SESN1: variants seen among roughly 807,000 people sequenced by gnomAD.
The protein encoded by SESN1 is sestrin-1.
SESN1 carries 30 observed loss-of-function variants against 59.3 expected under a neutral mutation model. The ratio of observed to expected loss-of-function variants is 0.51; its 90% CI spans 0.38 to 0.69. SESN1 has a LOEUF of 0.69. SESN1 is among the 30% of genes least tolerant of loss of function. The pLI is 0.00. For missense variants in SESN1, 566 were observed against 673.0 expected, an observed-to-expected ratio of 0.84 and a Z score of 1.76; for synonymous variants, 197 against 219.9, an observed-to-expected ratio of 0.90 and a Z score of 0.92.
intron 1 of SESN1, among the ~76,000 whole-genome samples, chr6:109,047,006 C>T (rs561318889): frequency 0.016 from 932 of 59,522 alleles, 28 homozygotes; most frequent in Non-Finnish European, 0.025. Flanking sequence ...GGGGTCAGCC[C>T]CCTGCCCGGC....
chr6:109,044,841 T>C (rs1780398804), intron 1 of SESN1, among the ~76,000 whole-genome samples: 1 of 152,048 alleles, frequency 6.6e-6, no homozygotes. Flanking sequence ...CTGACCAACA[T>C]GAAGAAACCC....
intron 1 of SESN1, among the ~76,000 whole-genome samples, chr6:109,026,794 C>A (rs1037572523): frequency 2.0e-5 from 3 of 152,178 alleles, no homozygotes; most frequent in South Asian, 4.1e-4. Flanking sequence ...TGAGCCACTG[C>A]GCCCGGCCAG....
At chr6:109,090,043 C>G (rs1781285900) in intron 1 of SESN1, among the ~76,000 whole-genome samples, 1 of 152,278 alleles carries the variant, frequency 6.6e-6, no homozygotes, top group East Asian at 1.9e-4. Context: ...CTATAAGCCC[C>G]TCTGGGATCT....
chr6:109,005,281 C>G (rs1779709901), intron 1 of SESN1, among the ~76,000 whole-genome samples: 1 of 152,078 alleles, frequency 6.6e-6, no homozygotes, highest in Non-Finnish European at 1.5e-5. Flanking sequence ...TTTAAAAGCT[C>G]TTCAAGTTAT....
intron 1 of SESN1, among the ~76,000 whole-genome samples, chr6:109,063,110 T>G (rs1338041077): frequency 6.6e-6 from 1 of 152,166 alleles, no homozygotes; most frequent in Non-Finnish European, 1.5e-5. Flanking sequence ...CCTTGGTCAC[T>G]GCCCTGTCTG....
At chr6:109,070,486 A>G (rs1780913840) in intron 1 of SESN1, among the ~76,000 whole-genome samples, 1 of 134,460 alleles carries the variant, frequency 7.4e-6, no homozygotes, top group African/African-American at 2.7e-5. Flanking sequence ...TCTATCCTTC[A>G]TAGTGTAGGG....
intron 1 of SESN1, among the ~76,000 whole-genome samples, chr6:109,077,403 C>T (rs919186862): frequency 1.3e-5 from 2 of 152,130 alleles, no homozygotes; most frequent in African/African-American, 2.4e-5. Flanking sequence ...GGTCTGTTTC[C>T]TCATCTATAA....
chr6:109,006,951 G>C (rs556908334), intron 1 of SESN1, among the ~76,000 whole-genome samples: 1 of 152,112 alleles, frequency 6.6e-6, no homozygotes, highest in Non-Finnish European at 1.5e-5. Context: ...CAGATTCTAG[G>C]AGACAGAACT....
chr6:109,057,995 T>C, intron 1 of SESN1, among the ~76,000 whole-genome samples: 1 of 152,138 alleles, frequency 6.6e-6, no homozygotes, highest in Non-Finnish European at 1.5e-5. Context: ...CAGTCAATGA[T>C]GTACTGCATA....
At chr6:109,027,378 G>A (rs1398987547) in intron 1 of SESN1, among the ~76,000 whole-genome samples, 1 of 150,342 alleles carries the variant, frequency 6.7e-6, no homozygotes, top group East Asian at 2.0e-4. Flanking sequence ...TTAGGAGGCT[G>A]AGGCAGGAGA....
intron 1 of SESN1, among the ~76,000 whole-genome samples, chr6:109,022,435 TTTTTTG>T (rs1780026889): frequency 1.6e-5 from 2 of 126,618 alleles, no homozygotes; most frequent in African/African-American, 5.5e-5. Context: ...TTTTTTTTTT[TTTTTTG>T]AGATGGAATC....
chr6:109,066,576 T>G (rs907988889), intron 1 of SESN1, among the ~76,000 whole-genome samples: 2 of 152,106 alleles, frequency 1.3e-5, no homozygotes, highest in Non-Finnish European at 2.9e-5. Flanking sequence ...GCATTTAAAT[T>G]TTAATAAAAA....
At chr6:109,089,709 G>A (rs1781277243) in intron 1 of SESN1, among the ~76,000 whole-genome samples, 1 of 152,156 alleles carries the variant, frequency 6.6e-6, no homozygotes, top group African/African-American at 2.4e-5. Context: ...AAACTTTAGA[G>A]CCATGCTTAA....
chr6:109,093,755 G>C, intron 1 of SESN1, 40 bp downstream of exon 1: 1 of 1,583,788 alleles, frequency 6.3e-7, no homozygotes, highest in East Asian at 2.2e-5. Flanking sequence ...AAATTTAACT[G>C]TAGTAGAGAC....
intron 1 of SESN1, among the ~76,000 whole-genome samples, chr6:109,091,637 C>A (rs776941142): frequency 3.9e-5 from 6 of 152,214 alleles, no homozygotes; most frequent in Non-Finnish European, 8.8e-5. Flanking sequence ...CATGTCTCTG[C>A]TTAAATGTCA....
chr6:109,077,253 A>C (rs998316652), intron 1 of SESN1, among the ~76,000 whole-genome samples: 1 of 152,222 alleles, frequency 6.6e-6, no homozygotes, highest in Admixed American at 6.5e-5. Context: ...CAATACAAAA[A>C]TAATACATGC....
intron 1 of SESN1, among the ~76,000 whole-genome samples, chr6:109,068,774 G>A (rs1780877936): frequency 2.0e-5 from 3 of 149,088 alleles, no homozygotes; most frequent in African/African-American, 7.5e-5. Context: ...AGGCTGAAGT[G>A]CAGTGGTACG....
intron 1 of SESN1, among the ~76,000 whole-genome samples, chr6:109,009,709 G>C (rs1009698631): frequency 2.0e-5 from 3 of 152,036 alleles, no homozygotes; most frequent in Non-Finnish European, 2.9e-5. Flanking sequence ...GGTCTGACGC[G>C]GCGAGGTGAA....
At chr6:109,065,106 G>A (rs57240677) in intron 1 of SESN1, among the ~76,000 whole-genome samples, 24,671 of 151,894 alleles carry the variant, frequency 0.16, 2,519 homozygotes, top group Non-Finnish European at 0.23. Context: ...TTAAGTTCCC[G>A]AATTTAATAG....
Sources: allele counts gnomAD v4.1 joint callset (sites outside exome capture counted in the v4.1 genomes callset), GRCh38; gene constraint gnomAD v4.1.1; transcripts MANE v1.5; gene names NCBI Gene and HGNC (gene_info 2026-07-23, HGNC 2026-07-21).